FBN1: variants seen among roughly 807,000 people sequenced by gnomAD.
The protein encoded by FBN1 is fibrillin 1.
Under a neutral mutation model 365.1 loss-of-function variants are expected in FBN1, and 29 were observed. The ratio of observed to expected loss-of-function variants is 0.08; its 90% CI spans 0.06 to 0.11. The LOEUF (loss-of-function observed/expected upper bound fraction) is 0.11. Among genes scored for constraint, FBN1 ranks in the 10% least tolerant of loss-of-function variants. The probability of loss-of-function intolerance (pLI) is 1.00; values close to 1 mark genes in which losing one functional copy is unlikely to be tolerated. For missense variants in FBN1, 2,476 were observed against 3,703.2 expected, an observed-to-expected ratio of 0.67 and a Z score of 8.60; for synonymous variants, 1,210 against 1,270.5, an observed-to-expected ratio of 0.95 and a Z score of 1.01.
intron 2 of FBN1, among the ~76,000 whole-genome samples, chr15:48,638,272 C>T (rs1890132485): frequency 6.6e-6 from 1 of 152,158 alleles, no homozygotes; most frequent in African/African-American, 2.4e-5. Context: ...TGGCTTGTAA[C>T]AGCATCTGCC....
intron 35 of FBN1, 39 bp downstream of exon 35, chr15:48,472,512 A>G: frequency 6.2e-7 from 1 of 1,613,078 alleles, no homozygotes; most frequent in Non-Finnish European, 8.5e-7. Flanking sequence ...TAATCTCATC[A>G]AGCCCAGCAA....
intron 2 of FBN1, among the ~76,000 whole-genome samples, chr15:48,616,151 T>C (rs76279245): frequency 0.013 from 2,025 of 152,362 alleles, 40 homozygotes; most frequent in African/African-American, 0.042. Context: ...TTTCACTGTA[T>C]TTCTTAAGGT....
At chr15:48,416,126 C>A (rs1311875948) in intron 63 of FBN1, among the ~76,000 whole-genome samples, 1 of 152,192 alleles carries the variant, frequency 6.6e-6, no homozygotes, top group Non-Finnish European at 1.5e-5. Context: ...CAACATGGGG[C>A]TGGTCCGTAG....
chr15:48,555,062 T>G (rs1281616611), intron 6 of FBN1, among the ~76,000 whole-genome samples: 1 of 152,242 alleles, frequency 6.6e-6, no homozygotes, highest in East Asian at 1.9e-4. Context: ...AAGGGCATGT[T>G]AAGATGTTAT....
intron 4 of FBN1, among the ~76,000 whole-genome samples, chr15:48,607,424 T>C (rs1167171940): frequency 5.3e-5 from 8 of 150,616 alleles, no homozygotes; most frequent in Admixed American, 2.0e-4. Flanking sequence ...AAAATTCATA[T>C]GTTGAAACTT....
intron 6 of FBN1, among the ~76,000 whole-genome samples, chr15:48,567,749 C>T (rs1320402205): frequency 2.0e-5 from 3 of 152,032 alleles, no homozygotes; most frequent in Non-Finnish European, 2.9e-5. Context: ...AAGCATTTGA[C>T]GAAATCCAAT....
intron 44 of FBN1, among the ~76,000 whole-genome samples, chr15:48,456,084 G>T (rs991740172): frequency 5.9e-5 from 9 of 152,112 alleles, no homozygotes; most frequent in African/African-American, 1.9e-4. Flanking sequence ...GGAATGCTCC[G>T]AATCACAGTA....
intron 13 of FBN1, among the ~76,000 whole-genome samples, chr15:48,512,426 G>A (rs1427031342): frequency 1.3e-5 from 2 of 152,092 alleles, no homozygotes; most frequent in African/African-American, 4.8e-5. Flanking sequence ...TCATTACCCA[G>A]GTATTAAGCC....
chr15:48,428,218 A>G, intron 57 of FBN1, 128 bp downstream of exon 57: 1 of 1,285,728 alleles, frequency 7.8e-7, no homozygotes, highest in South Asian at 1.3e-5. Flanking sequence ...CGGCATCTCC[A>G]AAATATGAAC....
intron 6 of FBN1, among the ~76,000 whole-genome samples, chr15:48,572,618 C>T (rs960748925): frequency 6.6e-6 from 1 of 151,114 alleles, no homozygotes; most frequent in African/African-American, 2.4e-5. Flanking sequence ...TTAAAAAAAT[C>T]TTGGAGAGAA....
rs1255200103 is a variant in FBN1 at position 48,513,852 on chromosome 15, A to T, written c.1469-184T>A. On this transcript the variant is annotated intron_variant, in intron 12 of 65. Coordinates refer to ENST00000316623, the MANE Select transcript of FBN1 (RefSeq NM_000138.5). ...CCATTTGAAGACTGGTTGAGCAGTT[A>T]AAGTGTATTATTTTCATGTGTCATT... Among the ~76,000 whole-genome samples, 4 of 152,228 alleles carry T rather than the reference A, an allele frequency of 2.6e-5. 1 individual carries two copies. In the South Asian group the frequency reaches 6.2e-4, roughly 24 times the overall value.
chr15:48,422,193 A>C, intron 60 of FBN1, 125 bp from the exon 61 acceptor site: 1 of 725,712 alleles, frequency 1.4e-6, no homozygotes, highest in Non-Finnish European at 2.5e-6. Context: ...GAAAGAAGCC[A>C]CAGCAAAAGG....
intron 45 of FBN1, 78 bp from the exon 46 acceptor site, chr15:48,448,971 C>T (rs2043180274): frequency 1.6e-6 from 2 of 1,223,168 alleles, no homozygotes; most frequent in Non-Finnish European, 2.4e-6. Flanking sequence ...CTATCATTCT[C>T]AGGAGTAATC....
Position 48,518,522 on chromosome 15 carries a change from T to C in FBN1, c.1147+2137A>G, listed in dbSNP as rs115923927. Reference sequence around the variant, plus strand: ...AAAGAAATTTAATAGCTTATCAGCATTTCTGCTAATTAGGTGGGTATTTTA... The same window carrying C: ...AAAGAAATTTAATAGCTTATCAGCACTTCTGCTAATTAGGTGGGTATTTTA... On this transcript the variant is annotated intron_variant, in intron 10 of 65. Coordinates refer to ENST00000316623, the MANE Select transcript of FBN1 (RefSeq NM_000138.5). Among the ~76,000 whole-genome samples, 885 of 152,370 alleles carry C rather than the reference T, an allele frequency of 5.8e-3. 12 individuals carry two copies. The highest frequency in any genetic ancestry group is 0.02 in the African/African-American group (845 of 41,578).
chr15:48,544,217 A>T (rs1174072601), intron 6 of FBN1, among the ~76,000 whole-genome samples: 1 of 152,148 alleles, frequency 6.6e-6, no homozygotes, highest in Non-Finnish European at 1.5e-5. Context: ...AAAATGACAC[A>T]ATAAGGTTTG....
At chr15:48,463,786 T>C in intron 41 of FBN1, 113 bp downstream of exon 41, 1 of 1,190,864 alleles carries the variant, frequency 8.4e-7, no homozygotes, top group East Asian at 2.6e-5. Context: ...AGTGAAGGGA[T>C]GCCAGCACTC....
intron 9 of FBN1, among the ~76,000 whole-genome samples, chr15:48,522,015 C>T (rs1301091918): frequency 1.3e-5 from 2 of 152,166 alleles, no homozygotes; most frequent in African/African-American, 4.8e-5. Context: ...TGAGCCCTGC[C>T]TCTGTCAGAT....
intron 44 of FBN1, among the ~76,000 whole-genome samples, chr15:48,453,295 A>G (rs1261522720): frequency 1.5e-4 from 1 of 6,670 alleles, no homozygotes. Context: ...TAAAACAAAC[A>G]AAAAAAAAAC....
At chr15:48,529,420 C>T (rs2043947816) in intron 8 of FBN1, 1 of 152,386 alleles carries the variant, frequency 6.6e-6, no homozygotes. Context: ...TCTTCCCATG[C>T]CTAAGCCCCT....
Sources: gnomAD v4.1 joint callset for allele counts (sites outside exome capture counted in the v4.1 genomes callset) on GRCh38, gnomAD v4.1.1 for gene constraint, MANE v1.5 for transcripts, NCBI Gene and HGNC (gene_info 2026-07-23, HGNC 2026-07-21) for gene names.